The following ITPKC variants were observed in gnomAD, a reference collection of about 807,000 sequenced individuals.
ITPKC encodes the protein IP3 3-kinase C.
A neutral mutation model predicts 67.1 loss-of-function variants in ITPKC; 33 were observed. The observed-to-expected ratio is 0.49, with a 90% CI of 0.37 to 0.66. The LOEUF (loss-of-function observed/expected upper bound fraction) is 0.66, where lower values mean the gene tolerates loss of function less well. Among genes scored for constraint, ITPKC ranks in the 30% least tolerant of loss-of-function variants. The pLI is 0.00. For missense variants in ITPKC, 820 were observed against 892.1 expected, an observed-to-expected ratio of 0.92 and a Z score of 1.03; for synonymous variants, 341 against 359.8, an observed-to-expected ratio of 0.95 and a Z score of 0.59.
intron 1 of ITPKC, among the ~76,000 whole-genome samples, chr19:40,723,370 A>C (rs2082231174): frequency 6.6e-6 from 1 of 152,168 alleles, no homozygotes; most frequent in South Asian, 2.1e-4. Flanking sequence ...TTGAGATTAC[A>C]GGCGTAAGCC....
intron 3 of ITPKC, among the ~76,000 whole-genome samples, chr19:40,729,802 C>T (rs1429705571): frequency 6.6e-6 from 1 of 152,072 alleles, no homozygotes; most frequent in Non-Finnish European, 1.5e-5. Flanking sequence ...AAAATAGCGC[C>T]AAGTCCATTT....
At position 40,740,478 on chromosome 19, in the gene ITPKC, C is replaced by T. The variant is rs1157723950; in HGVS notation, c.*918C>T. 9.6e-6 allele frequency: 2 copies of T among 208,770 alleles called. No homozygotes were observed. Among genetic ancestry groups the T allele is most frequent in the African/African-American group, 4.6e-5 (2 of 43,116 alleles). 12.9% of individuals were successfully genotyped at this position (208,770 alleles called of 1,614,324 possible). On this transcript the variant is annotated 3_prime_UTR_variant, in exon 7 of 7. Transcript: ENST00000263370. ...GGAGGGCCCCATCCAATCCCGGGCC[C>T]CTGCAGGGAAAAGCGCTGGGTGTGT...
intron 3 of ITPKC, 69 bp from the exon 4 acceptor site, chr19:40,733,091 A>AT: frequency 1.5e-6 from 2 of 1,374,916 alleles, no homozygotes; most frequent in Non-Finnish European, 2.1e-6. Context: ...TTATGTCTTA[A>AT]TATCAGGAAG....
At chr19:40,722,848 C>G (rs1401952988) in intron 1 of ITPKC, among the ~76,000 whole-genome samples, 1 of 152,202 alleles carries the variant, frequency 6.6e-6, no homozygotes, top group Non-Finnish European at 1.5e-5. Context: ...ACAATCACTG[C>G]TCACTGCAGC....
intron 1 of ITPKC, among the ~76,000 whole-genome samples, chr19:40,721,357 TCTAA>T (rs1261385290): frequency 2.0e-5 from 3 of 151,084 alleles, no homozygotes; most frequent in Admixed American, 6.6e-5. Flanking sequence ...AACCATTGGA[TCTAA>T]CTTTTTTTTT....
At chr19:40,733,016 G>T in intron 3 of ITPKC, 144 bp from the exon 4 acceptor site, 1 of 655,418 alleles carries the variant, frequency 1.5e-6, no homozygotes. Context: ...CTCTACGTGT[G>T]TGTCTTTGTG....
chr19:40,723,433 T>A (rs2082231622), intron 1 of ITPKC, among the ~76,000 whole-genome samples: 1 of 152,112 alleles, frequency 6.6e-6, no homozygotes, highest in Non-Finnish European at 1.5e-5. Context: ...TTTGTCTACT[T>A]CTGTTCATCT....
intron 1 of ITPKC, among the ~76,000 whole-genome samples, chr19:40,720,546 C>T (rs1006377861): frequency 9.3e-6 from 1 of 107,642 alleles, no homozygotes; most frequent in Admixed American, 9.2e-5. Flanking sequence ...GTCTCCCTCC[C>T]AGGCCTCCCT....
In ITPKC at chr19:40,737,980, C is replaced by T. The variant is rs1333551515; in HGVS notation, c.1848+211C>T. On this transcript the variant is annotated intron_variant, in intron 6 of 6. Transcript: ENST00000263370. ...CAGCCTGGGAAGCACAGCAAGACCC[C>T]GTCTCTATTTGGAAAAAAAAAAAAA... Among the ~76,000 whole-genome samples, 3 of 143,264 alleles carry T rather than the reference C, an allele frequency of 2.1e-5. No homozygotes were observed. In the Admixed American group the frequency reaches 2.2e-4, roughly 10 times the overall value. 94.0% of individuals were successfully genotyped at this position (143,264 alleles called of 152,430 possible).
chr19:40,725,483 G>T (rs755947145), intron 2 of ITPKC, 44 bp downstream of exon 2: 2 of 1,294,462 alleles, frequency 1.5e-6, no homozygotes, highest in South Asian at 2.4e-5. Context: ...AGTCTCCTGG[G>T]CCAGGGAAAG....
chr19:40,717,485 G>C lies in ITPKC; in HGVS notation c.350G>C (p.Arg117Thr). ...CCCAAGCAAAAGACGGAGCCAGACA[G>C]GTCCAGCCTCCGGACGCATCTAGAA... ...ERPKQKTEPD[R>T]SSLRTHLEWS... Residue 117 changes from arginine to threonine, a missense_variant, in exon 1 of 7, where the codon AGG becomes ACG. Transcript: ENST00000263370. 1 of 1,614,170 alleles carries C rather than the reference G, an allele frequency of 6.2e-7. No homozygotes were observed. The highest frequency in any genetic ancestry group is 1.1e-5 in the South Asian group (1 of 91,080).
intron 4 of ITPKC, among the ~76,000 whole-genome samples, chr19:40,734,835 C>T (rs774943273): frequency 2.8e-5 from 4 of 142,372 alleles, no homozygotes; most frequent in Non-Finnish European, 6.0e-5. Flanking sequence ...GGCTAGAGTG[C>T]AGTAGTACAG....
At chr19:40,732,319 AG>A (rs1355649372) in intron 3 of ITPKC, among the ~76,000 whole-genome samples, 1 of 151,364 alleles carries the variant, frequency 6.6e-6, no homozygotes, top group Non-Finnish European at 1.5e-5. Context: ...TCACGAGGTC[AG>A]GAGTTCGAGA....
At chr19:40,731,174 G>A (rs149063394) in intron 3 of ITPKC, among the ~76,000 whole-genome samples, 45 of 152,240 alleles carry the variant, frequency 3.0e-4, no homozygotes, top group African/African-American at 1.0e-3. Flanking sequence ...GACCAGTACC[G>A]GTCCATGGCC....
At chr19:40,721,717 G>A (rs2082223567) in intron 1 of ITPKC, among the ~76,000 whole-genome samples, 1 of 151,822 alleles carries the variant, frequency 6.6e-6, no homozygotes, top group Admixed American at 6.6e-5. Flanking sequence ...TATGATTAAG[G>A]GGCCAGGTGT....
At chr19:40,726,632 G>T (rs796541543) in intron 2 of ITPKC, among the ~76,000 whole-genome samples, 4 of 152,264 alleles carry the variant, frequency 2.6e-5, no homozygotes, top group African/African-American at 9.6e-5. Context: ...AAGAGAATTT[G>T]TCTGCCTTGT....
At chr19:40,724,947 T>TAA (rs369519928) in intron 1 of ITPKC, among the ~76,000 whole-genome samples, 9 of 119,758 alleles carry the variant, frequency 7.5e-5, no homozygotes, top group Non-Finnish European at 8.8e-5. Context: ...CTGTCTCAAT[T>TAA]AAAAAAAAAA....
intron 3 of ITPKC, among the ~76,000 whole-genome samples, chr19:40,729,887 C>T (rs936987582): frequency 2.6e-5 from 4 of 152,194 alleles, no homozygotes; most frequent in South Asian, 2.1e-4. Context: ...CTCACCGGTG[C>T]TTGGTACTGT....
Position 40,737,008 on chromosome 19 carries a change from C to T in ITPKC, c.1697C>T (p.Thr566Ile), listed in dbSNP as rs1487069023. 1 of 1,593,048 alleles carries T rather than the reference C, an allele frequency of 6.3e-7. No homozygotes were observed. The highest frequency in any genetic ancestry group is 8.6e-7 in the Non-Finnish European group (1 of 1,168,258). Reference protein sequence around the residue: ...GIKKADGTCNTNFKKTQALEQ... With the variant: ...GIKKADGTCNINFKKTQALEQ... ...CAGAAGGCAGATGGGACCTGTAACA[C>T]CAACTTCAAGAAGACGCAGGCACTG... The change falls in exon 5 of 7, where the codon ACC becomes ATC. Residue 566 changes from threonine to isoleucine, a missense_variant. Around this residue, in one of 2 missense-constraint regions of ITPKC, gnomAD observed 339 missense variants for 422.0 expected, o/e 0.80. Transcript: ENST00000263370.
Sources: allele counts gnomAD v4.1 joint callset (sites outside exome capture counted in the v4.1 genomes callset), GRCh38; gene constraint gnomAD v4.1.1; regional missense constraint gnomAD v4.1.1; transcripts MANE v1.5; gene names NCBI Gene and HGNC (gene_info 2026-07-23, HGNC 2026-07-21).